SCHIP1: variants seen among roughly 807,000 people sequenced by gnomAD.
SCHIP1 encodes the protein schwannomin-interacting protein 1.
A neutral mutation model predicts 29.7 loss-of-function variants in SCHIP1; 8 were observed. That is an observed-to-expected ratio of 0.27 (90% CI 0.16 to 0.49). SCHIP1 has a LOEUF of 0.49. Ranked by LOEUF, SCHIP1 falls within the 20% of genes least tolerant of loss-of-function variation. SCHIP1 has a pLI of 0.99. For synonymous variants in SCHIP1, 76 were observed against 94.9 expected, an observed-to-expected ratio of 0.80 and a Z score of 1.16; for missense variants, 193 against 294.6, an observed-to-expected ratio of 0.66 and a Z score of 2.52.
chr3:159,329,180 C>T, the SCHIP1 span, among the ~76,000 whole-genome samples: 32 of 152,062 alleles, frequency 2.1e-4, no homozygotes, highest in African/African-American at 7.5e-4. Flanking sequence ...CTACACACAC[C>T]CCAAACATAC....
chr3:159,889,556 G>A (rs534192676), intron 5 of SCHIP1, among the ~76,000 whole-genome samples: 5 of 152,324 alleles, frequency 3.3e-5, no homozygotes, highest in African/African-American at 9.6e-5. Context: ...TTCTCACTTA[G>A]GCAGTGTGGT....
At chr3:159,563,667 A>C in the SCHIP1 span, among the ~76,000 whole-genome samples, 1 of 152,140 alleles carries the variant, frequency 6.6e-6, no homozygotes, top group African/African-American at 2.4e-5. Flanking sequence ...TGTCTCTACA[A>C]AAAATGAAAA....
At chr3:159,521,666 C>T in the SCHIP1 span, among the ~76,000 whole-genome samples, 2 of 152,230 alleles carry the variant, frequency 1.3e-5, no homozygotes, top group Non-Finnish European at 2.9e-5. Flanking sequence ...TAAAATTATA[C>T]TGGAGCAGAA....
the SCHIP1 span, among the ~76,000 whole-genome samples, chr3:159,696,744 G>C: frequency 1.3e-5 from 2 of 152,160 alleles, no homozygotes; most frequent in Non-Finnish European, 2.9e-5. Context: ...CAATCCAGGA[G>C]GTCAGGAAAG....
chr3:159,451,631 A>G, the SCHIP1 span, among the ~76,000 whole-genome samples: 1 of 152,234 alleles, frequency 6.6e-6, no homozygotes, highest in East Asian at 1.9e-4. Flanking sequence ...TTTGTCAACA[A>G]TTGTTCAATT....
At chr3:159,604,782 T>G in the SCHIP1 span, among the ~76,000 whole-genome samples, 11 of 152,348 alleles carry the variant, frequency 7.2e-5, no homozygotes, top group Admixed American at 2.0e-4. Context: ...TAAGAATATT[T>G]GGCATGACAT....
the SCHIP1 span, among the ~76,000 whole-genome samples, chr3:159,432,339 TGAGAGA>T: frequency 4.5e-3 from 312 of 69,348 alleles, 6 homozygotes; most frequent in East Asian, 0.013. Context: ...TGTGTGTGTG[TGAGAGA>T]GAGAGAGAGA....
chr3:159,832,197 A>C, the SCHIP1 span, among the ~76,000 whole-genome samples: 1 of 152,118 alleles, frequency 6.6e-6, no homozygotes, highest in Non-Finnish European at 1.5e-5. Context: ...GATCAAGGCC[A>C]CCCAGCCATC....
At chr3:159,507,327 G>C in the SCHIP1 span, among the ~76,000 whole-genome samples, 2 of 152,284 alleles carry the variant, frequency 1.3e-5, no homozygotes, top group Admixed American at 6.5e-5. Context: ...TGTATCCTGA[G>C]ACTTTGCTGA....
chr3:159,585,202 G>A, the SCHIP1 span, among the ~76,000 whole-genome samples: 1 of 151,716 alleles, frequency 6.6e-6, no homozygotes, highest in Admixed American at 6.6e-5. Context: ...CTGCCTCTCA[G>A]AATATTAACT....
the SCHIP1 span, among the ~76,000 whole-genome samples, chr3:159,585,685 A>T: frequency 1.5e-3 from 228 of 152,302 alleles, no homozygotes; most frequent in African/African-American, 4.3e-3. Flanking sequence ...GCACAGAAAG[A>T]TTAATATTTG....
chr3:159,509,727 A>G, the SCHIP1 span, among the ~76,000 whole-genome samples: 2 of 152,166 alleles, frequency 1.3e-5, no homozygotes, highest in African/African-American at 4.8e-5. Flanking sequence ...TCACTTGTGA[A>G]ACTTAGTTTG....
the SCHIP1 span, chr3:159,722,014 GCT>G: frequency 3.1e-5 from 11 of 349,240 alleles, no homozygotes; most frequent in Non-Finnish European, 5.6e-5. Flanking sequence ...CTCTTCTTCA[GCT>G]CTGTCTCAAC....
intron 1 of SCHIP1, among the ~76,000 whole-genome samples, chr3:159,863,599 C>A (rs1047610366): frequency 6.6e-6 from 1 of 152,018 alleles, no homozygotes; most frequent in Non-Finnish European, 1.5e-5. Flanking sequence ...GAAAATAATG[C>A]ACACATATGA....
upstream of SCHIP1, among the ~76,000 whole-genome samples, chr3:159,835,335 G>A (rs543596643): frequency 2.0e-5 from 3 of 152,320 alleles, no homozygotes; most frequent in East Asian, 1.9e-4. Flanking sequence ...GGAACTGACT[G>A]GAAGGGGCAT....
chr3:159,755,992 C>T, the SCHIP1 span, among the ~76,000 whole-genome samples: 5 of 152,258 alleles, frequency 3.3e-5, no homozygotes, highest in Non-Finnish European at 5.9e-5. Flanking sequence ...GCCTCCCTCC[C>T]GGCTGCTTTC....
At chr3:159,392,464 A>T in the SCHIP1 span, among the ~76,000 whole-genome samples, 1 of 118,298 alleles carries the variant, frequency 8.5e-6, no homozygotes, top group Non-Finnish European at 1.9e-5. Flanking sequence ...CTCCCCCCTC[A>T]CCCCACCCCA....
At chr3:159,334,102 C>A in the SCHIP1 span, among the ~76,000 whole-genome samples, 5 of 152,070 alleles carry the variant, frequency 3.3e-5, no homozygotes, top group African/African-American at 9.7e-5. Context: ...ATATTACATA[C>A]CCCTAAACTT....
At chr3:159,700,483 G>C in the SCHIP1 span, among the ~76,000 whole-genome samples, 1 of 152,186 alleles carries the variant, frequency 6.6e-6, no homozygotes, top group Non-Finnish European at 1.5e-5. Flanking sequence ...ACAGATGTAT[G>C]TAGGTAAGTG....
Sources: gnomAD v4.1 joint callset for allele counts (sites outside exome capture counted in the v4.1 genomes callset) on GRCh38, gnomAD v4.1.1 for gene constraint, MANE v1.5 for transcripts, NCBI Gene and HGNC (gene_info 2026-07-23, HGNC 2026-07-21) for gene names.